The following PCDH15 variants were observed in gnomAD, a reference collection of about 807,000 sequenced individuals.
PCDH15 encodes the protein protocadherin-15.
In PCDH15, 129 loss-of-function variants were observed where a neutral mutation model predicts 178.5. The observed-to-expected ratio is 0.72, with a 90% CI of 0.63 to 0.84. PCDH15 has a LOEUF of 0.84. PCDH15 is among the 40% of genes least tolerant of loss of function. The probability of loss-of-function intolerance (pLI) is 0.00; values close to 1 mark genes in which losing one functional copy is unlikely to be tolerated. For synonymous variants in PCDH15, 800 were observed against 732.0 expected (o/e 1.09, Z -1.50); for missense variants, 2,230 against 2,099.9 (o/e 1.06, Z -1.21).
chr10:54,174,697 CTTTTCTT>C (rs2047251741), intron 13 of PCDH15, among the ~76,000 whole-genome samples: 1 of 70,830 alleles, frequency 1.4e-5, no homozygotes, highest in Non-Finnish European at 2.7e-5. Flanking sequence ...TTTTCTTTTT[CTTTTCTT>C]TTTTTTTTTT....
intron 2 of PCDH15, among the ~76,000 whole-genome samples, chr10:54,898,707 T>C (rs767545587): frequency 1.3e-5 from 2 of 152,152 alleles, no homozygotes; most frequent in African/African-American, 2.4e-5. Flanking sequence ...GAAAGCACTT[T>C]CCTTTTTAAA....
At chr10:54,853,326 C>CATACATACAT (rs1167637053) in intron 3 of PCDH15, among the ~76,000 whole-genome samples, 1 of 121,436 alleles carries the variant, frequency 8.2e-6, no homozygotes, top group East Asian at 2.3e-4. Context: ...TATACATACA[C>CATACATACAT]ACACATATAC....
intron 20 of PCDH15, among the ~76,000 whole-genome samples, chr10:54,014,716 T>C (rs1429882799): frequency 6.6e-6 from 1 of 152,100 alleles, no homozygotes; most frequent in Non-Finnish European, 1.5e-5. Context: ...CCACATACTT[T>C]CATGTTAAGA....
At chr10:54,645,537 G>C (rs2094112156) in intron 2 of PCDH15, among the ~76,000 whole-genome samples, 1 of 152,148 alleles carries the variant, frequency 6.6e-6, no homozygotes, top group Non-Finnish European at 1.5e-5. Context: ...TGGTTGCTGA[G>C]TTCCTATTAT....
intron 11 of PCDH15, among the ~76,000 whole-genome samples, chr10:54,188,968 T>A (rs563829672): frequency 6.6e-6 from 1 of 152,080 alleles, no homozygotes; most frequent in African/African-American, 2.4e-5. Context: ...TGGTAGTAGT[T>A]GCCTGAGTAT....
intron 3 of PCDH15, among the ~76,000 whole-genome samples, chr10:54,506,923 A>G (rs1406738084): frequency 6.6e-6 from 1 of 152,064 alleles, no homozygotes; most frequent in Non-Finnish European, 1.5e-5. Flanking sequence ...GATTCTTTTT[A>G]TGGGCAAAAC....
At chr10:54,359,220 T>C (rs540305253) in intron 5 of PCDH15, among the ~76,000 whole-genome samples, 6 of 152,066 alleles carry the variant, frequency 3.9e-5, no homozygotes, top group African/African-American at 1.4e-4. Flanking sequence ...TCTATATATG[T>C]ACATAGTGCT....
intron 26 of PCDH15, among the ~76,000 whole-genome samples, chr10:53,876,758 T>C (rs925248495): frequency 1.3e-5 from 2 of 152,300 alleles, no homozygotes; most frequent in African/African-American, 4.8e-5. Context: ...AAGTTCAACA[T>C]ACCTATTTAC....
chr10:55,007,453 C>A (rs55674329), intron 2 of PCDH15, among the ~76,000 whole-genome samples: 3,858 of 133,974 alleles, frequency 0.029, 169 homozygotes, highest in African/African-American at 0.1. Context: ...TAATGTAATA[C>A]GCAGTTCCCA....
intron 14 of PCDH15, among the ~76,000 whole-genome samples, chr10:54,133,876 CATATATACACATATAT>C (rs2042659356): frequency 7.5e-6 from 1 of 133,386 alleles, no homozygotes; most frequent in Non-Finnish European, 1.6e-5. Context: ...CACACACACA[CATATATACACATATAT>C]ACACACACAT....
At chr10:54,926,325 G>A (rs775038350) in intron 2 of PCDH15, among the ~76,000 whole-genome samples, 3 of 151,986 alleles carry the variant, frequency 2.0e-5, no homozygotes, top group Non-Finnish European at 4.4e-5. Context: ...TAAGCTTTTT[G>A]ATGTGCTGCT....
At chr10:54,232,924 CTT>C (rs762364718) in intron 9 of PCDH15, among the ~76,000 whole-genome samples, 36 of 109,164 alleles carry the variant, frequency 3.3e-4, no homozygotes, top group African/African-American at 8.2e-4. Flanking sequence ...AGCTTTCTTT[CTT>C]TTTTTTTTTT....
In PCDH15 at chr10:55,471,685, C is replaced by G. The variant is rs10825521; in HGVS notation, c.-156+155940G>C. On this transcript the variant is annotated intron_variant, in intron 2 of 5. Coordinates refer to the PCDH15 transcript ENST00000613346. ...TAGTTAGTTTGTGAACACAGGAAAA[C>G]AGATTATTTTTTCCAAATTGAATAA... Among the ~76,000 whole-genome samples, 7 of 152,056 alleles carry G rather than the reference C, an allele frequency of 4.6e-5. No homozygotes were observed. In the South Asian group the frequency reaches 1.0e-3, roughly 23 times the overall value.
At chr10:54,211,690 A>T (rs138234480) in intron 10 of PCDH15, among the ~76,000 whole-genome samples, 6 of 152,130 alleles carry the variant, frequency 3.9e-5, no homozygotes, top group African/African-American at 1.2e-4. Flanking sequence ...ATAAATTGGG[A>T]TCTAGTCCAA....
At chr10:54,519,818 C>G (rs967464382) in intron 3 of PCDH15, among the ~76,000 whole-genome samples, 24 of 152,242 alleles carry the variant, frequency 1.6e-4, no homozygotes, top group African/African-American at 5.8e-4. Flanking sequence ...AACTATGCTG[C>G]AAGGCTACAG....
intron 1 of PCDH15, among the ~76,000 whole-genome samples, chr10:54,699,096 G>T (rs1277822077): frequency 6.6e-6 from 1 of 152,070 alleles, no homozygotes; most frequent in African/African-American, 2.4e-5. Context: ...TTAGAATAAA[G>T]ATCTAGTGTC....
intron 1 of PCDH15, among the ~76,000 whole-genome samples, chr10:54,751,441 T>C (rs1407160049): frequency 6.6e-6 from 1 of 152,188 alleles, no homozygotes; most frequent in Non-Finnish European, 1.5e-5. Flanking sequence ...ACCTGCTAAA[T>C]ACATAACTGG....
intron 1 of PCDH15, among the ~76,000 whole-genome samples, chr10:55,260,939 A>T (rs1842133026): frequency 6.6e-6 from 1 of 152,310 alleles, no homozygotes; most frequent in East Asian, 1.9e-4. Flanking sequence ...GTCTTGTATA[A>T]TGAACAGATT....
At chr10:53,898,643 A>G (rs181194645) in intron 26 of PCDH15, among the ~76,000 whole-genome samples, 9 of 152,338 alleles carry the variant, frequency 5.9e-5, no homozygotes, top group African/African-American at 1.9e-4. Flanking sequence ...TTATTGAGCC[A>G]GAAATCAAGT....
Sources: allele counts gnomAD v4.1 joint callset (sites outside exome capture counted in the v4.1 genomes callset), GRCh38; gene constraint gnomAD v4.1.1; transcripts MANE v1.5; gene names NCBI Gene and HGNC (gene_info 2026-07-23, HGNC 2026-07-21).